The following FMNL2 variants were observed in gnomAD, a reference collection of about 807,000 sequenced individuals.
FMNL2 encodes the protein formin-like protein 2.
A neutral mutation model predicts 130.2 loss-of-function variants in FMNL2; 51 were observed. That is an observed-to-expected ratio of 0.39 (90% confidence interval 0.31 to 0.49). The LOEUF is 0.49. Ranked by LOEUF, FMNL2 falls within the 20% of genes least tolerant of loss-of-function variation. The pLI is 0.85. For synonymous variants in FMNL2, 465 were observed against 467.1 expected, an observed-to-expected ratio of 1.00 and a Z score of 0.06; for missense variants, 977 against 1,316.2, an observed-to-expected ratio of 0.74 and a Z score of 3.99.
At chr2:152,578,088 T>C (rs1456562433) in intron 7 of FMNL2, among the ~76,000 whole-genome samples, 1 of 151,398 alleles carries the variant, frequency 6.6e-6, no homozygotes, top group Non-Finnish European at 1.5e-5. Context: ...ATGGGAGGGG[T>C]TGGCCTTAGT....
At chr2:152,509,703 G>GGAGTATAA (rs1320124824) in intron 1 of FMNL2, among the ~76,000 whole-genome samples, 3 of 139,152 alleles carry the variant, frequency 2.2e-5, no homozygotes, top group African/African-American at 7.8e-5. Context: ...GTCCAGGCCT[G>GGAGTATAA]GAGTATAAGA....
At chr2:152,566,584 G>T (rs1695850107) in intron 6 of FMNL2, among the ~76,000 whole-genome samples, 1 of 152,128 alleles carries the variant, frequency 6.6e-6, no homozygotes, top group Non-Finnish European at 1.5e-5. Flanking sequence ...GTGCCTTCAT[G>T]GGCAAGACTG....
chr2:152,581,935 C>T (rs1349957348), intron 9 of FMNL2, among the ~76,000 whole-genome samples: 2 of 152,158 alleles, frequency 1.3e-5, no homozygotes, highest in African/African-American at 4.8e-5. Flanking sequence ...GGACTGTTTT[C>T]TCTCCTCTTT....
intron 1 of FMNL2, among the ~76,000 whole-genome samples, chr2:152,471,550 G>C (rs973826457): frequency 6.6e-6 from 1 of 152,190 alleles, no homozygotes; most frequent in Non-Finnish European, 1.5e-5. Flanking sequence ...TAGTCCACGT[G>C]GGGGTGGGCG....
intron 12 of FMNL2, 96 bp from the exon 13 acceptor site, chr2:152,616,995 C>A: frequency 1.0e-6 from 1 of 990,822 alleles, no homozygotes; most frequent in Non-Finnish European, 1.5e-6. Flanking sequence ...ATGCAGGGCC[C>A]TGGTCCCTAA....
At chr2:152,514,378 C>T (rs1692648599) in intron 1 of FMNL2, among the ~76,000 whole-genome samples, 1 of 152,162 alleles carries the variant, frequency 6.6e-6, no homozygotes, top group Non-Finnish European at 1.5e-5. Flanking sequence ...CTCCTTACCT[C>T]CTGGTTTATT....
At chr2:152,439,738 G>C (rs1379386124) in intron 1 of FMNL2, among the ~76,000 whole-genome samples, 1 of 150,728 alleles carries the variant, frequency 6.6e-6, no homozygotes, top group African/African-American at 2.4e-5. Context: ...ACTGATCCTA[G>C]CTGGGGAAAG....
intron 11 of FMNL2, among the ~76,000 whole-genome samples, chr2:152,612,821 C>A (rs1006859360): frequency 6.6e-6 from 1 of 151,822 alleles, no homozygotes. Context: ...GTTGGCTAGG[C>A]TAGTCTCATA....
chr2:152,446,014 C>T (rs1046986103), intron 1 of FMNL2, among the ~76,000 whole-genome samples: 3 of 152,094 alleles, frequency 2.0e-5, no homozygotes, highest in African/African-American at 7.2e-5. Flanking sequence ...GGGGAAATTC[C>T]AGCCTTGAAC....
intron 1 of FMNL2, among the ~76,000 whole-genome samples, chr2:152,366,463 TA>T (rs1683556713): frequency 1.7e-5 from 2 of 117,808 alleles, no homozygotes; most frequent in African/African-American, 5.9e-5. Context: ...AAATAAAATT[TA>T]AAATGTTTGC....
At chr2:152,603,312 G>A (rs1304750431) in intron 9 of FMNL2, among the ~76,000 whole-genome samples, 4 of 151,994 alleles carry the variant, frequency 2.6e-5, no homozygotes, top group African/African-American at 7.3e-5. Flanking sequence ...TCCCAAAGCC[G>A]GCATTTGTAT....
At position 152,640,005 on chromosome 2, in the gene FMNL2, C is replaced by T; in HGVS notation, c.2994C>T (p.Leu998=). 6.4e-7 allele frequency: 1 copy of T among 1,558,644 alleles called. No individual in the cohort carries two copies. The highest frequency in any genetic ancestry group is 8.7e-7 in the Non-Finnish European group (1 of 1,151,482). Residue 998 remains leucine (L), a synonymous_variant, in exon 24 of 26, where the codon CTC becomes CTT. Coordinates refer to ENST00000288670, the MANE Select transcript of FMNL2 (RefSeq NM_052905.4). ...NELRKKQEQA[L]MEKLLEQEAL... is the part of the protein sequence containing the mutation. Reference sequence around the variant, plus strand: ...TGAGGAAAAAGCAGGAACAAGCTCTCATGGAAAAACTCCTAGAGCAAGAAG... The same window carrying T: ...TGAGGAAAAAGCAGGAACAAGCTCTTATGGAAAAACTCCTAGAGCAAGAAG...
chr2:152,621,198 G>A (rs1166722398), intron 15 of FMNL2: 1 of 932,572 alleles, frequency 1.1e-6, no homozygotes, highest in Non-Finnish European at 1.3e-6. Context: ...TGTGTCTGCT[G>A]TGGTATCTCA....
chr2:152,568,215 T>G (rs1579981089), intron 6 of FMNL2, among the ~76,000 whole-genome samples: 1 of 139,026 alleles, frequency 7.2e-6, no homozygotes. Context: ...TCCATTTTGG[T>G]GGGTTTTTTT....
At chr2:152,415,787 T>A (rs1213975849) in intron 1 of FMNL2, among the ~76,000 whole-genome samples, 1 of 152,096 alleles carries the variant, frequency 6.6e-6, no homozygotes, top group African/African-American at 2.4e-5. Context: ...CAGAGAAAAG[T>A]TTTCCCAAGA....
intron 1 of FMNL2, among the ~76,000 whole-genome samples, chr2:152,387,840 G>A (rs914814738): frequency 3.4e-5 from 5 of 147,258 alleles, no homozygotes; most frequent in African/African-American, 1.0e-4. Flanking sequence ...TTTTTGTAGA[G>A]GTGGTGTCTC....
chr2:152,554,876 CT>C (rs1353953602), intron 4 of FMNL2, among the ~76,000 whole-genome samples: 1 of 152,066 alleles, frequency 6.6e-6, no homozygotes, highest in African/African-American at 2.4e-5. Context: ...TTCACAGGTG[CT>C]TTTCCTTGAG....
chr2:152,381,789 A>C (rs866227564), intron 1 of FMNL2, among the ~76,000 whole-genome samples: 1 of 150,042 alleles, frequency 6.7e-6, no homozygotes. Flanking sequence ...ATTAGTTAGC[A>C]TAACAAACAG....
At chr2:152,355,251 A>T (rs886765574) in intron 1 of FMNL2, among the ~76,000 whole-genome samples, 3 of 152,190 alleles carry the variant, frequency 2.0e-5, no homozygotes, top group African/African-American at 7.2e-5. Context: ...TATAAATGAA[A>T]CCTAACAGCA....
Sources: gnomAD v4.1 joint callset for allele counts (sites outside exome capture counted in the v4.1 genomes callset) on GRCh38, gnomAD v4.1.1 for gene constraint, MANE v1.5 for transcripts, NCBI Gene and HGNC (gene_info 2026-07-23, HGNC 2026-07-21) for gene names.